Variants in STAG2 observed in about 807,000 individuals in gnomAD.
STAG2 encodes cohesin subunit SA-2.
A neutral mutation model predicts 108.1 loss-of-function variants in STAG2; 14 were observed. The ratio of observed to expected loss-of-function variants is 0.13; its 90% CI spans 0.09 to 0.20. The LOEUF is 0.20. STAG2 is among the 10% of genes least tolerant of loss of function. The pLI, the probability that STAG2 is intolerant of heterozygous loss-of-function variation, is 1.00. For synonymous variants in STAG2, 307 were observed against 302.7 expected (o/e 1.01, Z -0.15); for missense variants, 440 against 940.9 (o/e 0.47, Z 6.96).
intron 4 of STAG2, 125 bp from the exon 5 acceptor site, chrX:124,030,836 G>T: frequency 1.5e-6 from 1 of 682,613 alleles, no homozygotes; most frequent in East Asian, 4.0e-5. Context: ...TTTGTTATAA[G>T]TGGATGGAAT....
intron 1 of STAG2, among the ~76,000 whole-genome samples, chrX:123,970,123 T>A (rs2054292759): frequency 9.1e-6 from 1 of 109,389 alleles, no homozygotes; most frequent in African/African-American, 3.3e-5. Flanking sequence ...TTTATATTGA[T>A]CATTCCTTTA....
intron 1 of STAG2, among the ~76,000 whole-genome samples, chrX:124,009,443 G>GTAGGTAGGTAGGTAGA (rs1556479689): frequency 9.4e-5 from 6 of 63,607 alleles, no homozygotes; most frequent in African/African-American, 3.1e-4. Context: ...AGGTAGGTAG[G>GTAGGTAGGTAGGTAGA]TAGATAGATA....
chrX:124,086,556 C>T lies in STAG2; in HGVS notation c.3063C>T (p.Tyr1021=). The T allele has an allele frequency of 8.3e-7, 1 of 1,205,177 alleles. No individual in the cohort carries two copies. The highest frequency in any genetic ancestry group is 1.1e-6 in the Non-Finnish European group (1 of 890,531). The stretch of plus-strand genomic sequence containing the variant: ...TCGATTTCTTTTCAAGGTATGTTTA[C>T]TTGGAAAAGTTCATGACCTTTCAGA... The part of the protein sequence containing the change: ...LRQDKRTVYV[Y]LEKFMTFQMS... Residue 1021 remains tyrosine, a synonymous_variant, in exon 30 of 35, where the codon TAC becomes TAT. Coordinates refer to ENST00000371145, the MANE Select transcript of STAG2 (RefSeq NM_001042750.2).
intron 29 of STAG2, among the ~76,000 whole-genome samples, chrX:124,085,611 C>T (rs1004568630): frequency 1.8e-5 from 2 of 109,778 alleles, no homozygotes; most frequent in African/African-American, 6.7e-5. Flanking sequence ...CCTGTCTCTA[C>T]AAAAGATGCA....
intron 3 of STAG2, among the ~76,000 whole-genome samples, chrX:124,025,324 A>C (rs916765457): frequency 8.9e-6 from 1 of 111,870 alleles, no homozygotes; most frequent in African/African-American, 3.2e-5. Flanking sequence ...GTTTATAAAA[A>C]GGTTTTATAA....
intron 17 of STAG2, 30 bp from the exon 18 acceptor site, chrX:124,062,872 A>T (rs761820035): frequency 1.1e-5 from 13 of 1,139,112 alleles, no homozygotes; most frequent in Non-Finnish European, 1.4e-5. Context: ...AATGGGCTTA[A>T]TAAATACAGA....
In STAG2 at chrX:124,001,399, A is replaced by T. The variant is rs760217249; in HGVS notation, c.-162-19968A>T. ...GCCACTGCACCCGGCCAAAATATTT[A>T]AAAAAATACATTCAGTGTCTCCTAA... On this transcript the variant is annotated intron_variant, in intron 1 of 34. Coordinates refer to ENST00000371145, the MANE Select transcript of STAG2 (RefSeq NM_001042750.2). Among the ~76,000 whole-genome samples the T allele has an allele frequency of 2.7e-5, 3 of 111,373 alleles. No individual in the cohort carries two copies. In the Admixed American group the frequency reaches 2.9e-4, roughly 11 times the overall value.
chrX:124,008,321 C>T (rs1196684090), intron 1 of STAG2, among the ~76,000 whole-genome samples: 1 of 107,230 alleles, frequency 9.3e-6, no homozygotes, highest in Non-Finnish European at 1.9e-5. Context: ...TCAAGCGATT[C>T]TCCTGCCTCA....
intron 1 of STAG2, among the ~76,000 whole-genome samples, chrX:123,972,795 G>C (rs2054418994): frequency 1.1e-5 from 1 of 92,191 alleles, no homozygotes; most frequent in African/African-American, 4.1e-5. Context: ...GAGGCTGGTG[G>C]ATCACTTGAG....
chrX:124,088,538 A>G (rs1329942888), intron 30 of STAG2, among the ~76,000 whole-genome samples: 3 of 111,010 alleles, frequency 2.7e-5, no homozygotes, highest in South Asian at 7.5e-4. Context: ...ATCTATTATT[A>G]GAGTATTAGC....
At chrX:123,985,027 A>G (rs1005795416) in intron 1 of STAG2, among the ~76,000 whole-genome samples, 1 of 111,907 alleles carries the variant, frequency 8.9e-6, no homozygotes, top group Non-Finnish European at 1.9e-5. Context: ...CAGATTCTTA[A>G]ACATCAGTCT....
chrX:123,986,129 A>G (rs1372706541), intron 1 of STAG2, among the ~76,000 whole-genome samples: 2 of 106,117 alleles, frequency 1.9e-5, no homozygotes, highest in African/African-American at 6.8e-5. Flanking sequence ...ATATATACAT[A>G]TATGTATCAT....
intron 1 of STAG2, among the ~76,000 whole-genome samples, chrX:123,982,283 G>A (rs1203731352): frequency 9.0e-6 from 1 of 111,240 alleles, no homozygotes. Flanking sequence ...GCTGCAGTGA[G>A]CTGTGGTCAT....
Position 124,034,875 on chromosome X carries a change from G to GTTATTA in STAG2, c.289-2650_289-2649insATTATT, listed in dbSNP as rs763637231. Among the ~76,000 whole-genome samples, 601 of 99,843 alleles carry GTTATTA rather than the reference G, an allele frequency of 6.0e-3. 3 individuals carry two copies. The highest frequency in any genetic ancestry group is 0.012 in the African/African-American group (337 of 27,753). 86.7% of individuals were successfully genotyped at this position (99,843 alleles called of 115,157 possible). A position where few individuals can be genotyped will look rare whatever the true frequency, so the allele number is the denominator to read the frequency against. On this transcript the variant is annotated intron_variant, in intron 5 of 34. Coordinates refer to ENST00000371145, the MANE Select transcript of STAG2 (RefSeq NM_001042750.2). The stretch of plus-strand genomic sequence containing the variant: ...CTCAGTAGTTGTTGTTGTTGTTGTT[G>GTTATTA]TTGTTATTATTATTATTATTATTAT...
In STAG2 at chrX:124,094,017, G is replaced by C; in HGVS notation, c.3579-1G>C. ...CTTGACTTTGTTTTATATTTCTCTA[G>C]TCGGCGTGGCACAAGCCTAATGGAA... On this transcript the variant is annotated splice_acceptor_variant, in intron 32 of 34. Coordinates refer to ENST00000371145, the MANE Select transcript of STAG2 (RefSeq NM_001042750.2). LOFTEE classifies it high-confidence loss of function. The C allele has an allele frequency of 8.3e-7, 1 of 1,210,186 alleles. No individual in the cohort carries two copies. Among genetic ancestry groups the C allele is most frequent in the East Asian group, 3.0e-5 (1 of 33,769 alleles).
intron 1 of STAG2, among the ~76,000 whole-genome samples, chrX:124,009,052 A>G (rs1340140118): frequency 8.9e-6 from 1 of 111,787 alleles, no homozygotes; most frequent in Non-Finnish European, 1.9e-5. Context: ...TTTCAAGTCT[A>G]TCCAAAACAA....
At chrX:123,974,901 A>G (rs74512670) in intron 1 of STAG2, among the ~76,000 whole-genome samples, 11,211 of 111,055 alleles carry the variant, frequency 0.1, 584 homozygotes, top group East Asian at 0.35. Flanking sequence ...CATTACATTC[A>G]CTCACCCACA....
At chrX:123,978,718 C>G (rs1194773245) in intron 1 of STAG2, among the ~76,000 whole-genome samples, 1 of 111,761 alleles carries the variant, frequency 8.9e-6, no homozygotes, top group Admixed American at 9.5e-5. Flanking sequence ...CTTTTAAGCA[C>G]CCACGTGATG....
intron 34 of STAG2, among the ~76,000 whole-genome samples, chrX:124,099,647 A>T (rs2059464474): frequency 8.9e-6 from 1 of 111,875 alleles, no homozygotes. Flanking sequence ...AAAACAATAC[A>T]TGAGTTCTAT....
Sources: allele counts gnomAD v4.1 joint callset (sites outside exome capture counted in the v4.1 genomes callset), GRCh38; gene constraint gnomAD v4.1.1; transcripts MANE v1.5; gene names NCBI Gene and HGNC (gene_info 2026-07-23, HGNC 2026-07-21).